Variants in TRIP12 observed in about 807,000 individuals in gnomAD.
TRIP12 encodes the protein thyroid hormone receptor interactor 12.
Under a neutral mutation model 244.2 loss-of-function variants are expected in TRIP12, and 25 were observed. The ratio of observed to expected loss-of-function variants is 0.10; its 90% confidence interval spans 0.07 to 0.14. The LOEUF is 0.14. Ranked by LOEUF, TRIP12 falls within the 10% of genes least tolerant of loss-of-function variation. The probability of loss-of-function intolerance (pLI) is 1.00; values close to 1 mark genes in which losing one functional copy is unlikely to be tolerated. For synonymous variants in TRIP12, 905 were observed against 873.1 expected, an observed-to-expected ratio of 1.04 and a Z score of -0.64; for missense variants, 1,677 against 2,486.4, an observed-to-expected ratio of 0.67 and a Z score of 6.92.
intron 4 of TRIP12, 108 bp downstream of exon 4, chr2:229,858,664 T>C: frequency 1.1e-6 from 1 of 934,656 alleles, no homozygotes. Flanking sequence ...ACATCTAAGA[T>C]TATCTAAGAC....
chr2:229,859,281 C>T lies in TRIP12; in HGVS notation c.518G>A (p.Ser173Asn). Residue 173 changes from serine to asparagine, a missense_variant, in exon 4 of 42, where the codon AGC becomes AAC. Ser to Asn is a conservative substitution (Grantham distance 46). Around this residue, in one of 11 missense-constraint regions of TRIP12, gnomAD observed 387 missense variants for 392.6 expected, o/e 0.99. Transcript: ENST00000675903. Reference sequence around the variant, plus strand: ...CCCACTCTTCCTGGTATGAGCCTTGCTTGTTGATGGTGATTGTGCAGATTT... The same window carrying T: ...CCCACTCTTCCTGGTATGAGCCTTGTTTGTTGATGGTGATTGTGCAGATTT... ...QLKSAQSPST[S>N]KAHTRKSGAT... The T allele has an allele frequency of 6.2e-7, 1 of 1,614,192 alleles. No homozygotes were observed. Among genetic ancestry groups the T allele is most frequent in the Non-Finnish European group, 8.5e-7 (1 of 1,180,036 alleles).
At chr2:229,785,891 C>A in intron 33 of TRIP12, 36 bp from the exon 34 acceptor site, 1 of 1,568,742 alleles carries the variant, frequency 6.4e-7, no homozygotes, top group South Asian at 1.2e-5. Flanking sequence ...AAACTATGCT[C>A]TACCCATATT....
chr2:229,882,006 C>G (rs746710343), intron 1 of TRIP12, among the ~76,000 whole-genome samples: 2 of 152,206 alleles, frequency 1.3e-5, no homozygotes, highest in Admixed American at 6.5e-5. Context: ...GCTCTCAAGT[C>G]AAACTGTCTC....
At chr2:229,803,796 C>A in intron 19 of TRIP12, 107 bp from the exon 20 acceptor site, 2 of 915,540 alleles carry the variant, frequency 2.2e-6, no homozygotes, top group Non-Finnish European at 3.4e-6. Context: ...TGAAACCATT[C>A]TATTAACATA....
intron 2 of TRIP12, among the ~76,000 whole-genome samples, chr2:229,864,566 C>CTT (rs879933835): frequency 1.4e-5 from 2 of 143,240 alleles, no homozygotes; most frequent in African/African-American, 2.5e-5. Context: ...AGATTTTCAA[C>CTT]TTTTTTTTTT....
At chr2:229,869,660 G>A (rs908525122) in intron 2 of TRIP12, among the ~76,000 whole-genome samples, 1 of 152,118 alleles carries the variant, frequency 6.6e-6, no homozygotes, top group Admixed American at 6.5e-5. Context: ...CTAACGTGGT[G>A]TTCAACAGAT....
In TRIP12 at chr2:229,805,656, CA is replaced by C; in HGVS notation, c.2650+73del. ...AAGCTTAAAAAGATACTTAATAAGC[CA>C]ATTATTATTTATTATGCAAACACAA... On this transcript the variant is annotated intron_variant, in intron 18 of 41. Transcript: ENST00000675903. The C allele has an allele frequency of 4.5e-6, 6 of 1,339,632 alleles. No individual in the cohort carries two copies. In the South Asian group the frequency reaches 1.3e-4, roughly 30 times the overall value. The allele number at this position is 1,339,632 out of a possible 1,614,324, so 83.0% of individuals were successfully genotyped here. A position where few individuals can be genotyped will look rare whatever the true frequency, so the allele number is the denominator to read the frequency against.
At chr2:229,909,659 G>C (rs1397231099) in intron 1 of TRIP12, among the ~76,000 whole-genome samples, 1 of 151,490 alleles carries the variant, frequency 6.6e-6, no homozygotes, top group African/African-American at 2.4e-5. Flanking sequence ...TTCAGGACCA[G>C]CCTGGGCAAC....
chr2:229,779,480 A>T (rs1241158481), intron 34 of TRIP12, among the ~76,000 whole-genome samples: 2 of 152,218 alleles, frequency 1.3e-5, no homozygotes, highest in Non-Finnish European at 2.9e-5. Flanking sequence ...CAATTTCAGT[A>T]TATGCTTGCA....
intron 4 of TRIP12, among the ~76,000 whole-genome samples, chr2:229,843,469 G>A (rs1248504421): frequency 6.6e-6 from 1 of 152,212 alleles, no homozygotes; most frequent in Non-Finnish European, 1.5e-5. Context: ...GCTCATGCCT[G>A]TAATCCCAGC....
At chr2:229,860,362 A>G in intron 3 of TRIP12, 44 bp downstream of exon 3, 1 of 1,576,368 alleles carries the variant, frequency 6.3e-7, no homozygotes, top group Non-Finnish European at 8.6e-7. Flanking sequence ...ATTTGAATGC[A>G]AATAATTCTG....
intron 4 of TRIP12, among the ~76,000 whole-genome samples, chr2:229,843,334 A>C (rs1207335769): frequency 2.3e-4 from 35 of 152,162 alleles, no homozygotes. Context: ...TATAATCTTT[A>C]AACCTCTGGA....
At chr2:229,798,617 C>T (rs1204068229) in intron 23 of TRIP12, among the ~76,000 whole-genome samples, 1 of 152,142 alleles carries the variant, frequency 6.6e-6, no homozygotes, top group Non-Finnish European at 1.5e-5. Context: ...CCAAGGAATA[C>T]AATGTGGTTT....
chr2:229,803,945 T>C (rs1165621925), intron 19 of TRIP12, 54 bp downstream of exon 19: 2 of 1,461,856 alleles, frequency 1.4e-6, no homozygotes, highest in African/African-American at 2.9e-5. Flanking sequence ...GTTTCTGAAA[T>C]TACTTGCAGA....
chr2:229,774,553 A>C (rs901290496), intron 37 of TRIP12, among the ~76,000 whole-genome samples: 1 of 152,240 alleles, frequency 6.6e-6, no homozygotes, highest in Non-Finnish European at 1.5e-5. Context: ...AATAGGTTGC[A>C]TATTAGTTAA....
At chr2:229,796,387 C>T (rs1025051758) in intron 25 of TRIP12, among the ~76,000 whole-genome samples, 3 of 152,194 alleles carry the variant, frequency 2.0e-5, no homozygotes, top group African/African-American at 7.2e-5. Context: ...GAAATAGTGA[C>T]ATGGGCTTTG....
intron 11 of TRIP12, 80 bp downstream of exon 11, chr2:229,815,019 A>C: frequency 1.8e-6 from 2 of 1,089,392 alleles, no homozygotes; most frequent in Non-Finnish European, 2.7e-6. Context: ...TTTATTTAGA[A>C]AATGAAAGCT....
intron 1 of TRIP12, 87 bp from the exon 2 acceptor site, chr2:229,880,215 A>C: frequency 1.3e-6 from 1 of 790,692 alleles, no homozygotes; most frequent in Non-Finnish European, 2.0e-6. Flanking sequence ...GTGACATGGA[A>C]ATTTTCTGCA....
At chr2:229,827,513 C>G (rs2052032509) in intron 8 of TRIP12, among the ~76,000 whole-genome samples, 1 of 152,000 alleles carries the variant, frequency 6.6e-6, no homozygotes, top group African/African-American at 2.4e-5. Context: ...TTAAAACACT[C>G]AGACACAAAC....
Sources: gnomAD v4.1 joint callset for allele counts (sites outside exome capture counted in the v4.1 genomes callset) on GRCh38, gnomAD v4.1.1 for gene constraint, gnomAD v4.1.1 regional missense constraint, MANE v1.5 for transcripts, NCBI Gene and HGNC (gene_info 2026-07-23, HGNC 2026-07-21) for gene names.